DENND1B: variants seen among roughly 807,000 people sequenced by gnomAD.
DENND1B encodes DENN domain-containing protein 1B.
In DENND1B, 59 loss-of-function variants were observed where a neutral mutation model predicts 90.1. The observed-to-expected ratio is 0.65, with a 90% CI of 0.53 to 0.81. The LOEUF (loss-of-function observed/expected upper bound fraction) is 0.81. Among genes scored for constraint, DENND1B ranks in the 40% least tolerant of loss-of-function variants. The pLI is 0.00. For synonymous variants in DENND1B, 337 were observed against 324.6 expected (o/e 1.04, Z -0.41); for missense variants, 862 against 912.6 (o/e 0.94, Z 0.71).
At chr1:197,735,068 A>G in intron 2 of DENND1B, 1 of 979,422 alleles carries the variant, frequency 1.0e-6, no homozygotes, top group South Asian at 4.7e-5. Flanking sequence ...ACAAAATTTA[A>G]AAGAACATTT....
chr1:197,727,749 C>T (rs75252485), intron 2 of DENND1B, among the ~76,000 whole-genome samples: 2 of 151,980 alleles, frequency 1.3e-5, no homozygotes, highest in East Asian at 1.9e-4. Flanking sequence ...CTTAGATCAG[C>T]GGTAAGAAGG....
intron 10 of DENND1B, among the ~76,000 whole-genome samples, chr1:197,625,268 G>A (rs1023953472): frequency 3.3e-5 from 5 of 152,134 alleles, no homozygotes; most frequent in Admixed American, 3.3e-4. Context: ...CAGAGAGAAA[G>A]GTCGGGTTAC....
intron 11 of DENND1B, among the ~76,000 whole-genome samples, chr1:197,613,120 T>C (rs1248238280): frequency 6.6e-6 from 1 of 150,822 alleles, no homozygotes; most frequent in East Asian, 1.9e-4. Context: ...CATAATTTTC[T>C]AAACATCATT....
At chr1:197,512,800 T>C (rs766238063) in intron 21 of DENND1B, 71 bp downstream of exon 21, 46 of 1,414,992 alleles carry the variant, frequency 3.3e-5, no homozygotes, top group Non-Finnish European at 4.2e-5. Context: ...CTCTTTGAAA[T>C]ACCCTTTATC....
At chr1:197,644,490 T>C (rs1380761370) in intron 9 of DENND1B, among the ~76,000 whole-genome samples, 1 of 152,152 alleles carries the variant, frequency 6.6e-6, no homozygotes, top group Non-Finnish European at 1.5e-5. Flanking sequence ...GGAAGCAAAT[T>C]TGACTTTGAA....
chr1:197,552,652 A>T (rs1055166931), intron 16 of DENND1B: 7 of 1,014,834 alleles, frequency 6.9e-6, no homozygotes, highest in Non-Finnish European at 8.2e-6. Flanking sequence ...TCATAACCTC[A>T]GTTCTTAAAT....
chr1:197,571,359 T>G (rs1673136763), intron 15 of DENND1B, among the ~76,000 whole-genome samples: 2 of 152,204 alleles, frequency 1.3e-5, no homozygotes, highest in African/African-American at 4.8e-5. Flanking sequence ...CTAACCTCAT[T>G]TAGTACAACT....
intron 10 of DENND1B, among the ~76,000 whole-genome samples, chr1:197,630,066 G>T (rs1679190127): frequency 6.6e-6 from 1 of 152,082 alleles, no homozygotes. Context: ...TGATGAAGAT[G>T]TGGAAAAGAA....
At chr1:197,729,106 C>T (rs1199745439) in intron 2 of DENND1B, among the ~76,000 whole-genome samples, 1 of 152,098 alleles carries the variant, frequency 6.6e-6, no homozygotes, top group African/African-American at 2.4e-5. Flanking sequence ...CTGATCTATG[C>T]TATGAGACCT....
intron 3 of DENND1B, among the ~76,000 whole-genome samples, chr1:197,697,673 C>A (rs1415568866): frequency 6.6e-6 from 1 of 151,668 alleles, no homozygotes; most frequent in Non-Finnish European, 1.5e-5. Flanking sequence ...TTCAGGAGAC[C>A]CATCTCACAT....
At chr1:197,759,742 CAAAAAAAAAA>C (rs1196523150) in intron 2 of DENND1B, among the ~76,000 whole-genome samples, 10 of 38,156 alleles carry the variant, frequency 2.6e-4, no homozygotes, top group Non-Finnish European at 4.3e-4. Flanking sequence ...GACTCCGTCT[CAAAAAAAAAA>C]AAAAAAAAAA....
chr1:197,735,621 C>T (rs1204498211), intron 2 of DENND1B: 2 of 1,614,138 alleles, frequency 1.2e-6, no homozygotes, highest in Admixed American at 1.7e-5. Context: ...TTTCTCCTCC[C>T]GTGGAGCTGC....
chr1:197,727,396 G>A (rs912798426), intron 2 of DENND1B, among the ~76,000 whole-genome samples: 6 of 152,032 alleles, frequency 3.9e-5, no homozygotes, highest in South Asian at 4.2e-4. Flanking sequence ...TGAGCCAGGC[G>A]TGGTGGCAGG....
chr1:197,539,848 A>C, intron 20 of DENND1B, 116 bp downstream of exon 20: 133 of 737,702 alleles, frequency 1.8e-4, no homozygotes, highest in Middle Eastern at 1.1e-3. Flanking sequence ...CTTGACCAAT[A>C]CTGCAGGTTT....
At chr1:197,516,624 A>C (rs2125602536) in intron 20 of DENND1B, among the ~76,000 whole-genome samples, 1 of 151,828 alleles carries the variant, frequency 6.6e-6, no homozygotes, top group South Asian at 2.1e-4. Flanking sequence ...ACAGGGAAAA[A>C]AGGCCTGGTC....
chr1:197,717,931 G>T (rs1457086535), intron 2 of DENND1B, among the ~76,000 whole-genome samples: 2 of 151,938 alleles, frequency 1.3e-5, no homozygotes, highest in African/African-American at 2.4e-5. Flanking sequence ...TTATGCATTT[G>T]TAAAATCTCA....
intron 10 of DENND1B, among the ~76,000 whole-genome samples, chr1:197,640,472 CAAA>C (rs764461153): frequency 1.1e-5 from 1 of 91,290 alleles, no homozygotes; most frequent in African/African-American, 4.1e-5. Context: ...GACTCTGTCT[CAAA>C]AAAAAAAAAA....
At chr1:197,651,111 A>G (rs1480015079) in intron 7 of DENND1B, among the ~76,000 whole-genome samples, 1 of 152,090 alleles carries the variant, frequency 6.6e-6, no homozygotes, top group Non-Finnish European at 1.5e-5. Flanking sequence ...TAAAAACACA[A>G]AAGACTTATA....
At chr1:197,781,314 T>C in the DENND1B span, among the ~76,000 whole-genome samples, 1 of 152,180 alleles carries the variant, frequency 6.6e-6, no homozygotes, top group Non-Finnish European at 1.5e-5. Context: ...AGTCAGGCAT[T>C]TCCTAGACTA....
Sources: gnomAD v4.1 joint callset for allele counts (sites outside exome capture counted in the v4.1 genomes callset) on GRCh38, gnomAD v4.1.1 for gene constraint, MANE v1.5 for transcripts, NCBI Gene and HGNC (gene_info 2026-07-23, HGNC 2026-07-21) for gene names.